Variants in ZNF185 observed in about 807,000 individuals in gnomAD.
ZNF185 encodes zinc finger protein 185.
A neutral mutation model predicts 58.6 loss-of-function variants in ZNF185; 56 were observed. That is an observed-to-expected ratio of 0.95 (90% CI 0.77 to 1.19). The LOEUF is 1.19. Ranked by LOEUF, ZNF185 falls within the 50% of genes most tolerant of loss-of-function variation. The pLI is 0.00. For synonymous variants in ZNF185, 230 were observed against 215.9 expected (o/e 1.07, Z -0.57); for missense variants, 627 against 573.5 (o/e 1.09, Z -0.95).
At chrX:152,943,468 C>T (rs192991880) in intron 15 of ZNF185, among the ~76,000 whole-genome samples, 56 of 112,267 alleles carry the variant, frequency 5.0e-4, no homozygotes, top group East Asian at 1.7e-3. Flanking sequence ...CCTATGTTAC[C>T]TTGCCTATCT....
intron 19 of ZNF185, among the ~76,000 whole-genome samples, chrX:152,966,068 C>T (rs551707851): frequency 7.3e-5 from 8 of 109,671 alleles, no homozygotes; most frequent in African/African-American, 2.7e-4. Flanking sequence ...AGTGCAGTGG[C>T]GCCATCTCAG....
At chrX:152,916,626 C>T (rs782501552) in intron 3 of ZNF185, among the ~76,000 whole-genome samples, 1 of 112,359 alleles carries the variant, frequency 8.9e-6, no homozygotes, top group South Asian at 3.8e-4. Context: ...CAGCTGGCTT[C>T]GGCTGGCTGC....
intron 16 of ZNF185, among the ~76,000 whole-genome samples, chrX:152,956,125 G>A (rs1481239142): frequency 2.7e-5 from 3 of 111,466 alleles, no homozygotes; most frequent in African/African-American, 9.8e-5. Flanking sequence ...TTCAGAGATG[G>A]CTGCATGCAA....
intron 12 of ZNF185, 135 bp from the exon 14 acceptor site, chrX:152,931,537 C>T (rs1941974102): frequency 8.3e-6 from 4 of 482,497 alleles, no homozygotes; most frequent in Non-Finnish European, 1.0e-5. Flanking sequence ...GGGTTATAGG[C>T]GTGAGCCACT....
intron 15 of ZNF185, chrX:152,941,721 G>C: frequency 1.7e-6 from 2 of 1,164,559 alleles, no homozygotes; most frequent in Non-Finnish European, 1.1e-6. Flanking sequence ...GGCCGCCCGG[G>C]ACGAGCTCGG....
intron 15 of ZNF185, chrX:152,941,525 C>T: frequency 2.4e-6 from 1 of 416,300 alleles, no homozygotes; most frequent in Non-Finnish European, 3.0e-6. Flanking sequence ...ATCTGGGTAG[C>T]GGGCACAGGA....
the ZNF185 span, among the ~76,000 whole-genome samples, chrX:152,905,860 C>A: frequency 1.5e-4 from 17 of 111,057 alleles, 1 homozygote; most frequent in Admixed American, 1.5e-3. Flanking sequence ...TCCAGGGACT[C>A]CCCTCCAGAG....
At chrX:152,898,389 G>T in the ZNF185 span, among the ~76,000 whole-genome samples, 2 of 112,709 alleles carry the variant, frequency 1.8e-5, no homozygotes, top group Non-Finnish European at 3.8e-5. Context: ...TTCCCCCCGG[G>T]AGTCAGTGGA....
intron 7 of ZNF185, among the ~76,000 whole-genome samples, chrX:152,919,763 T>C (rs1939332173): frequency 8.9e-6 from 1 of 112,690 alleles, no homozygotes; most frequent in Admixed American, 9.3e-5. Context: ...CTCCCCTCCC[T>C]GGGCTCAGCC....
chrX:152,931,717 G>T (rs1556877493), exon 13 of ZNF185: 1 of 1,210,887 alleles, frequency 8.3e-7, no homozygotes, highest in Admixed American at 2.2e-5. Context: ...GCTCCAGAGA[G>T]CTCCAGAGGG....
chrX:152,902,356 A>G, the ZNF185 span, among the ~76,000 whole-genome samples: 1 of 112,793 alleles, frequency 8.9e-6, no homozygotes, highest in Non-Finnish European at 1.9e-5. Flanking sequence ...CCACTTTGTG[A>G]TGACTAGGTC....
the ZNF185 span, among the ~76,000 whole-genome samples, chrX:152,901,393 C>A: frequency 9.1e-6 from 1 of 109,902 alleles, no homozygotes; most frequent in Admixed American, 9.6e-5. Context: ...GCTGGCACTA[C>A]AGGCGAGTGC....
chrX:152,947,466 T>C (rs782498301), intron 16 of ZNF185, among the ~76,000 whole-genome samples: 22 of 111,427 alleles, frequency 2.0e-4, no homozygotes, highest in Non-Finnish European at 1.9e-4. Context: ...GGCTAGGCAA[T>C]TGGATGGGTG....
upstream of ZNF185, among the ~76,000 whole-genome samples, chrX:152,913,635 G>A (rs1367862519): frequency 8.9e-6 from 1 of 112,458 alleles, no homozygotes; most frequent in Non-Finnish European, 1.9e-5. Flanking sequence ...TTCCCTGAGG[G>A]CCACTAGGAT....
chrX:152,908,075 G>A, the ZNF185 span, among the ~76,000 whole-genome samples: 1 of 112,550 alleles, frequency 8.9e-6, no homozygotes, highest in Non-Finnish European at 1.9e-5. Flanking sequence ...GCCCACAGAT[G>A]CCACCTTACA....
At chrX:152,972,459 C>T (rs782511607) in exon 23 of ZNF185, 1 of 110,292 alleles carries the variant, frequency 9.1e-6, no homozygotes, top group Non-Finnish European at 1.9e-5. Flanking sequence ...TATCCCCCCC[C>T]CCATGAAGTA....
intron 20 of ZNF185, 96 bp downstream of exon 22, chrX:152,967,334 T>C (rs1556915602): frequency 1.1e-6 from 1 of 881,073 alleles, no homozygotes; most frequent in Non-Finnish European, 1.6e-6. Flanking sequence ...TGTCTTCTGC[T>C]TTGCAGCCTC....
exon 23 of ZNF185, chrX:152,972,785 C>T (rs782284982): frequency 8.9e-6 from 1 of 111,785 alleles, no homozygotes; most frequent in Non-Finnish European, 1.9e-5. Context: ...TTCAGCTGGA[C>T]TCTGCCATCT....
chrX:152,914,368 G>A (rs1937905781), upstream of ZNF185: 5 of 642,869 alleles, frequency 7.8e-6, no homozygotes, highest in East Asian at 1.8e-4. Flanking sequence ...TGATCTTGGT[G>A]TACCAGGACC....
Sources: allele counts gnomAD v4.1 joint callset (sites outside exome capture counted in the v4.1 genomes callset), GRCh38; gene constraint gnomAD v4.1.1; transcripts MANE v1.5; gene names NCBI Gene and HGNC (gene_info 2026-07-23, HGNC 2026-07-21).